The following CLVS1 variants were observed in gnomAD, a reference collection of about 807,000 sequenced individuals.
CLVS1 encodes the protein clavesin 1, also known as clavesin-1.
Under a neutral mutation model 33.1 loss-of-function variants are expected in CLVS1, and 10 were observed. The ratio of observed to expected loss-of-function variants is 0.30; its 90% confidence interval spans 0.19 to 0.51. The LOEUF (loss-of-function observed/expected upper bound fraction) is 0.51, where lower values mean the gene tolerates loss of function less well. CLVS1 is among the 20% of genes least tolerant of loss of function. CLVS1 has a pLI of 0.97. For synonymous variants in CLVS1, 163 were observed against 166.1 expected, an observed-to-expected ratio of 0.98 and a Z score of 0.14; for missense variants, 343 against 433.4, an observed-to-expected ratio of 0.79 and a Z score of 1.85.
intron 3 of CLVS1, among the ~76,000 whole-genome samples, chr8:61,396,899 T>C (rs1814549470): frequency 6.6e-6 from 1 of 152,204 alleles, no homozygotes; most frequent in Non-Finnish European, 1.5e-5. Context: ...AAATATTTCA[T>C]TGCATATCTA....
intron 2 of CLVS1, among the ~76,000 whole-genome samples, chr8:61,163,467 T>TA (rs1011092111): frequency 3.9e-5 from 6 of 152,112 alleles, no homozygotes; most frequent in Non-Finnish European, 7.4e-5. Context: ...ACTCTATATG[T>TA]AAAAAAACGA....
chr8:61,273,232 C>T (rs1809484380), intron 2 of CLVS1, among the ~76,000 whole-genome samples: 1 of 151,688 alleles, frequency 6.6e-6, no homozygotes, highest in Admixed American at 6.6e-5. Context: ...AGCTGCAGGT[C>T]TGTTGGAATA....
chr8:61,066,537 G>T (rs1345292677), intron 1 of CLVS1, among the ~76,000 whole-genome samples: 1 of 152,206 alleles, frequency 6.6e-6, no homozygotes, highest in South Asian at 2.1e-4. Context: ...TAGATTGATG[G>T]CTATAAAATG....
chr8:61,189,281 T>G (rs555898717), intron 2 of CLVS1, among the ~76,000 whole-genome samples: 89 of 152,234 alleles, frequency 5.8e-4, no homozygotes, highest in African/African-American at 2.0e-3. Flanking sequence ...CTAAGCTTCA[T>G]AAGTGAAGGA....
intron 1 of CLVS1, among the ~76,000 whole-genome samples, chr8:61,108,012 A>T (rs1805567945): frequency 1.3e-5 from 2 of 152,152 alleles, no homozygotes; most frequent in Admixed American, 1.3e-4. Flanking sequence ...TCACGCCTGT[A>T]ATCCCAGCAC....
At chr8:61,045,063 G>A in the CLVS1 span, among the ~76,000 whole-genome samples, 13 of 152,212 alleles carry the variant, frequency 8.5e-5, no homozygotes, top group Non-Finnish European at 1.9e-4. Flanking sequence ...CATGAGTGGA[G>A]CCATCATGAA....
the CLVS1 span, among the ~76,000 whole-genome samples, chr8:61,009,820 T>C: frequency 6.6e-6 from 1 of 152,218 alleles, no homozygotes; most frequent in Admixed American, 6.5e-5. Context: ...TCTCTTTAAG[T>C]TTCTGAAATC....
intron 2 of CLVS1, among the ~76,000 whole-genome samples, chr8:61,231,311 A>G (rs1256259239): frequency 7.0e-6 from 1 of 143,754 alleles, no homozygotes; most frequent in East Asian, 2.0e-4. Context: ...CACACACTCT[A>G]ATATTAGGAA....
chr8:61,217,316 A>T (rs546236544), intron 2 of CLVS1, among the ~76,000 whole-genome samples: 56 of 152,204 alleles, frequency 3.7e-4, no homozygotes, highest in Admixed American at 2.0e-4. Flanking sequence ...GAAAGGGGCT[A>T]TAGTGCAGAT....
intron 2 of CLVS1, among the ~76,000 whole-genome samples, chr8:61,246,052 G>T (rs1410500212): frequency 6.6e-6 from 1 of 151,386 alleles, no homozygotes; most frequent in African/African-American, 2.4e-5. Context: ...GATTATAGGT[G>T]TGAGCTACTG....
chr8:61,175,445 G>T (rs1807095806), intron 2 of CLVS1, among the ~76,000 whole-genome samples: 1 of 152,190 alleles, frequency 6.6e-6, no homozygotes, highest in African/African-American at 2.4e-5. Context: ...ATAAATGTTT[G>T]TTGTTTATAG....
At chr8:61,420,582 A>G (rs1270970010) in intron 3 of CLVS1, among the ~76,000 whole-genome samples, 1 of 151,926 alleles carries the variant, frequency 6.6e-6, no homozygotes, top group African/African-American at 2.4e-5. Context: ...AGCCTGGGCA[A>G]CAGAGCGAGA....
At chr8:61,011,785 A>G in the CLVS1 span, among the ~76,000 whole-genome samples, 1 of 152,192 alleles carries the variant, frequency 6.6e-6, no homozygotes, top group East Asian at 1.9e-4. Flanking sequence ...GAGTGTGGTG[A>G]CCAATTTCGG....
At chr8:61,313,706 A>G (rs1810919507) in intron 2 of CLVS1, among the ~76,000 whole-genome samples, 1 of 152,116 alleles carries the variant, frequency 6.6e-6, no homozygotes, top group Non-Finnish European at 1.5e-5. Flanking sequence ...GAAATCTGAA[A>G]CAATGAAAAG....
At chr8:60,967,452 C>T in the CLVS1 span, 2 of 327,770 alleles carry the variant, frequency 6.1e-6, no homozygotes, top group South Asian at 4.6e-5. Context: ...GGAAGGGGAA[C>T]GGAAGCCGCA....
rs146033327 is a variant in CLVS1, at chr8:61,095,560, G to A, written c.-242-36210G>A. Reference sequence around the variant, plus strand: ...GCCCTTCTTGGCCAACCCCAGGTAGGCCAGCGACCTACTGGTTGATCCTGA... The same window carrying A: ...GCCCTTCTTGGCCAACCCCAGGTAGACCAGCGACCTACTGGTTGATCCTGA... On this transcript the variant is annotated intron_variant, in intron 1 of 2. Coordinates refer to the CLVS1 transcript ENST00000522621. Among the ~76,000 whole-genome samples the A allele has an allele frequency of 8.5e-5, 13 of 152,282 alleles. No homozygotes were observed. The East Asian group carries it at 2.3e-3, about 27-fold the overall frequency.
intron 2 of CLVS1, among the ~76,000 whole-genome samples, chr8:61,157,192 G>T (rs1038443060): frequency 2.0e-5 from 3 of 152,082 alleles, no homozygotes; most frequent in Non-Finnish European, 4.4e-5. Context: ...CCCTGCTAAG[G>T]GTAGGCTCTT....
At chr8:61,116,330 C>A (rs1298941497) in intron 1 of CLVS1, among the ~76,000 whole-genome samples, 1 of 152,120 alleles carries the variant, frequency 6.6e-6, no homozygotes, top group Non-Finnish European at 1.5e-5. Context: ...TGCCTGTTCA[C>A]TCTGATGGTG....
intron 1 of CLVS1, among the ~76,000 whole-genome samples, chr8:61,107,785 T>A (rs1805563772): frequency 6.6e-6 from 1 of 152,234 alleles, no homozygotes; most frequent in South Asian, 2.1e-4. Flanking sequence ...GCTTTAAAAA[T>A]ATTTCCCTCA....
Sources: allele counts gnomAD v4.1 joint callset (sites outside exome capture counted in the v4.1 genomes callset), GRCh38; gene constraint gnomAD v4.1.1; transcripts MANE v1.5; gene names NCBI Gene and HGNC (gene_info 2026-07-23, HGNC 2026-07-21).